The following CCNB1IP1 variants were observed in gnomAD, a reference collection of about 807,000 sequenced individuals.
CCNB1IP1 encodes cyclin B1 interacting protein 1.
In CCNB1IP1, 14 loss-of-function variants were observed where a neutral mutation model predicts 25.6. That is an observed-to-expected ratio of 0.55 (90% CI 0.36 to 0.85). The LOEUF is 0.85. CCNB1IP1 is among the 40% of genes least tolerant of loss of function. The probability of loss-of-function intolerance (pLI) is 0.01; values close to 1 mark genes in which losing one functional copy is unlikely to be tolerated. For synonymous variants in CCNB1IP1, 119 were observed against 116.1 expected, an observed-to-expected ratio of 1.02 and a Z score of -0.16; for missense variants, 278 against 342.4, an observed-to-expected ratio of 0.81 and a Z score of 1.48.
intron 4 of CCNB1IP1, among the ~76,000 whole-genome samples, chr14:20,321,597 A>G (rs1882898124): frequency 6.6e-6 from 1 of 152,080 alleles, no homozygotes; most frequent in South Asian, 2.1e-4. Flanking sequence ...GACTACAGGC[A>G]CGCTGCCCCA....
intron 4 of CCNB1IP1, among the ~76,000 whole-genome samples, chr14:20,324,563 G>C (rs112048465): frequency 6.6e-6 from 1 of 152,094 alleles, no homozygotes; most frequent in Non-Finnish European, 1.5e-5. Flanking sequence ...AGAAATATAC[G>C]CATGGATTCT....
chr14:20,328,817 T>C (rs1413815125), intron 2 of CCNB1IP1, among the ~76,000 whole-genome samples: 1 of 152,254 alleles, frequency 6.6e-6, no homozygotes, highest in Non-Finnish European at 1.5e-5. Flanking sequence ...ATTCTAGTCA[T>C]GCATGCTTCA....
intron 4 of CCNB1IP1, among the ~76,000 whole-genome samples, chr14:20,323,554 C>T (rs1353874943): frequency 6.7e-6 from 1 of 148,742 alleles, no homozygotes; most frequent in Non-Finnish European, 1.5e-5. Flanking sequence ...CCAGCCTGGG[C>T]AATGGAATGA....
intron 4 of CCNB1IP1, among the ~76,000 whole-genome samples, chr14:20,319,698 A>G (rs1882831679): frequency 6.6e-6 from 1 of 152,246 alleles, no homozygotes; most frequent in Non-Finnish European, 1.5e-5. Context: ...TAAAAACAAT[A>G]CTGCAATGAA....
intron 4 of CCNB1IP1, 124 bp downstream of exon 4, chr14:20,325,415 C>A (rs1261129175): frequency 9.4e-6 from 1 of 106,884 alleles, no homozygotes; most frequent in African/African-American, 4.3e-5. Flanking sequence ...AGCAAGACTC[C>A]GTCTCAAAAA....
intron 4 of CCNB1IP1, chr14:20,317,706 G>A (rs1882756299): frequency 6.6e-6 from 1 of 152,218 alleles, no homozygotes; most frequent in African/African-American, 2.4e-5. Flanking sequence ...AAGTTTTAGA[G>A]AAACAGACCC....
At position 20,311,605 on chromosome 14, in the gene CCNB1IP1, C is replaced by T. The variant is rs1430377399; in HGVS notation, c.779G>A (p.Arg260His). ...AGAAACTTGCTGCTGCTCTAATTCA[C>T]GACTTGGAGAGACAAAACTAAAAAA... ...NSFFSFVSPS[R>H]ELEQQQVSSR... Residue 260 changes from arginine (R) to histidine (H), a missense_variant, in exon 7 of 7, where the codon CGT becomes CAT. Physicochemically the swap from Arg to His is conservative, Grantham distance 29. Transcript: ENST00000358932. 31 of 1,613,822 alleles carry T rather than the reference C, an allele frequency of 1.9e-5. No individual in the cohort carries two copies. The highest frequency in any genetic ancestry group is 2.5e-5 in the Non-Finnish European group (29 of 1,179,986).
chr14:20,315,770 G>GATATTC, intron 5 of CCNB1IP1: 1 of 1,249,186 alleles, frequency 8.0e-7, no homozygotes, highest in Non-Finnish European at 1.0e-6. Flanking sequence ...TATTTAACAA[G>GATATTC]ATATTCATAC....
chr14:20,324,554 G>C (rs1245817598), intron 4 of CCNB1IP1, among the ~76,000 whole-genome samples: 1 of 152,130 alleles, frequency 6.6e-6, no homozygotes, highest in African/African-American at 2.4e-5. Flanking sequence ...GAATCTAAGA[G>C]AAATATACGC....
At chr14:20,324,792 A>T (rs1238695159) in intron 4 of CCNB1IP1, among the ~76,000 whole-genome samples, 1 of 152,084 alleles carries the variant, frequency 6.6e-6, no homozygotes, top group East Asian at 1.9e-4. Context: ...ACCCATATAT[A>T]TACTATACAA....
chr14:20,332,197 A>C (rs902788817), intron 1 of CCNB1IP1, among the ~76,000 whole-genome samples: 13 of 151,298 alleles, frequency 8.6e-5, no homozygotes, highest in East Asian at 3.9e-4. Context: ...GCCATGCCCC[A>C]AAAAATAAAT....
Position 20,325,203 on chromosome 14 carries a change from C to T in CCNB1IP1, c.-38+336G>A, listed in dbSNP as rs1054937023. Among the ~76,000 whole-genome samples, 65 of 150,724 alleles carry T rather than the reference C, an allele frequency of 4.3e-4. 1 individual carries two copies. The highest frequency in any genetic ancestry group is 1.4e-3 in the African/African-American group (57 of 41,404). On this transcript the variant is annotated intron_variant, in intron 4 of 6. Transcript: ENST00000358932. ...TTGGGAGGCCGAGGCGGGCGGATCA[C>T]GAGGTCAGGAGATCGAGACCATCCC...
rs1469147983 is a variant in CCNB1IP1, at chr14:20,331,806, C to T, written c.-431+1448G>A. On this transcript the variant is annotated intron_variant, in intron 1 of 6. Transcript: ENST00000358932. ...GAACTTAAGTGGAAAAAGTAAGACA[C>T]ATAGTAGAGTAGGTATAGTAAAAGG... Among the ~76,000 whole-genome samples the T allele has an allele frequency of 2.6e-5, 4 of 151,386 alleles. No homozygotes were observed. The East Asian group carries it at 5.8e-4, about 22-fold the overall frequency.
rs142906707 is a variant in CCNB1IP1 at position 20,311,703 on chromosome 14, G to A, written c.681C>T (p.Gly227=). ...TGAACTGAAAATCTCCATCTCCATC[G>A]CCCCGATTTCGAACAGGTGTATTAT... ...PLDNTPVRNR[G]DGDGDFQFRP... Residue 227 remains glycine (G), a synonymous_variant, in exon 7 of 7, where the codon GGC becomes GGT. Transcript: ENST00000358932. The A allele has an allele frequency of 8.6e-4, 1,389 of 1,613,852 alleles. No individual in the cohort carries two copies. The highest frequency in any genetic ancestry group is 1.1e-3 in the Non-Finnish European group (1,300 of 1,180,016).
intron 2 of CCNB1IP1, among the ~76,000 whole-genome samples, chr14:20,327,172 A>C (rs534941579): frequency 6.6e-6 from 1 of 152,332 alleles, no homozygotes; most frequent in South Asian, 2.1e-4. Context: ...GCTTGGATAA[A>C]ACTGCACAAT....
Position 20,311,724 on chromosome 14 carries a change from AT to A in CCNB1IP1, c.659del (p.Asn220IlefsTer43). 2 of 1,614,146 alleles carry A rather than the reference AT, an allele frequency of 1.2e-6. No homozygotes were observed. Among genetic ancestry groups the A allele is most frequent in the Non-Finnish European group, 1.7e-6 (2 of 1,180,010 alleles). On this transcript the variant is annotated frameshift_variant, in exon 7 of 7. Coordinates refer to ENST00000358932, the MANE Select transcript of CCNB1IP1 (RefSeq NM_021178.5). LOFTEE classifies it high-confidence loss of function. ...CATCGCCCCGATTTCGAACAGGTGT[AT>A]TATCCAAAGGAAACTTGGAGTTGTT... ...LGNNSKFPLD[N>X]TPVRNRGDGD...
intron 4 of CCNB1IP1, among the ~76,000 whole-genome samples, 183 bp from the exon 5 acceptor site, chr14:20,316,743 G>A (rs567854331): frequency 4.2e-4 from 64 of 152,058 alleles, no homozygotes; most frequent in African/African-American, 1.1e-3. Context: ...TCGTTTGTCC[G>A]GTTTTCTAAA....
rs577524556 is a variant in CCNB1IP1, at chr14:20,323,850, G to A, written c.-38+1689C>T. On this transcript the variant is annotated intron_variant, in intron 4 of 6. Transcript: ENST00000358932. ...GGAGAATGGCGTGAACCTGGGAGGC[G>A]GAGCTTGCAGTGAGCCCAGATCGTG... Among the ~76,000 whole-genome samples, 483 of 149,346 alleles carry A rather than the reference G, an allele frequency of 3.2e-3. 2 individuals are homozygous for A. Among genetic ancestry groups the A allele is most frequent in the African/African-American group, 0.011 (465 of 40,458 alleles).
intron 6 of CCNB1IP1, among the ~76,000 whole-genome samples, chr14:20,312,964 A>G (rs573653255): frequency 3.3e-5 from 5 of 152,312 alleles, no homozygotes; most frequent in African/African-American, 1.2e-4. Context: ...AAAAAAATTG[A>G]AACATGGCCT....
Sources: allele counts gnomAD v4.1 joint callset (sites outside exome capture counted in the v4.1 genomes callset), GRCh38; gene constraint gnomAD v4.1.1; transcripts MANE v1.5; gene names NCBI Gene and HGNC (gene_info 2026-07-23, HGNC 2026-07-21).